ST14: variants seen among roughly 807,000 people sequenced by gnomAD.
ST14 encodes ST14 transmembrane serine protease matriptase.
In ST14, 40 loss-of-function variants were observed where a neutral mutation model predicts 96.5. The observed-to-expected ratio is 0.41, with a 90% CI of 0.32 to 0.54. The LOEUF (loss-of-function observed/expected upper bound fraction) is 0.54. ST14 is among the 20% of genes least tolerant of loss of function. The pLI is 0.17. For missense variants in ST14, 1,066 were observed against 1,188.9 expected (o/e 0.90, Z 1.52); for synonymous variants, 506 against 492.1 (o/e 1.03, Z -0.37).
chr11:130,205,855 C>A (rs551451), intron 16 of ST14, among the ~76,000 whole-genome samples: 1 of 151,848 alleles, frequency 6.6e-6, no homozygotes, highest in African/African-American at 2.4e-5. Context: ...CCTGCCACCA[C>A]GCCTGGCTAA....
Position 130,197,934 on chromosome 11 carries a change from A to G in ST14, c.1448A>G (p.Glu483Gly). The G allele has an allele frequency of 1.3e-6, 2 of 1,587,760 alleles. No individual in the cohort carries two copies. The highest frequency in any genetic ancestry group is 1.7e-6 in the Non-Finnish European group (2 of 1,169,678). ...GWADCTDHSDELNCSCDAGHQ... is the reference protein window; with the variant it reads ...GWADCTDHSDGLNCSCDAGHQ... Reference sequence around the variant, plus strand: ...GCCGACTGCACCGACCACAGCGATGAGCTCAACTGCAGTGAGTCAGGCTGG... The same window carrying G: ...GCCGACTGCACCGACCACAGCGATGGGCTCAACTGCAGTGAGTCAGGCTGG... Residue 483 changes from glutamate to glycine, a missense_variant, in exon 12 of 19, where the codon GAG (glutamate) becomes GGG (glycine). Physicochemically the swap from Glu to Gly is moderately conservative, Grantham distance 98 (BLOSUM62 -2). Transcript: ENST00000278742.
At chr11:130,194,846 G>T (rs375114407) in intron 9 of ST14, 109 bp downstream of exon 9, 2 of 879,924 alleles carry the variant, frequency 2.3e-6, no homozygotes, top group African/African-American at 2.5e-5. Flanking sequence ...GTTTGCATAT[G>T]TGTGCATGTG....
In ST14 at chr11:130,194,789, C is replaced by CGT; in HGVS notation, c.1113+61_1113+62dup. The CGT allele has an allele frequency of 2.5e-6, 4 of 1,572,374 alleles. No individual in the cohort carries two copies. In the African/African-American group the frequency reaches 4.1e-5, roughly 16 times the overall value. On this transcript the variant is annotated intron_variant, in intron 9 of 18. Coordinates refer to ENST00000278742, the MANE Select transcript of ST14 (RefSeq NM_021978.4). Reference sequence around the variant, plus strand: ...GTGTGTGTGTGAGCATGTATGTGCACGTGTGTGTGTCTCCCTGTGCAGATG... The same window carrying CGT: ...GTGTGTGTGTGAGCATGTATGTGCACGTGTGTGTGTGTCTCCCTGTGCAGATG...
chr11:130,195,558 T>C (rs1953351679), intron 9 of ST14, among the ~76,000 whole-genome samples: 1 of 151,988 alleles, frequency 6.6e-6, no homozygotes, highest in Non-Finnish European at 1.5e-5. Context: ...TTCCTTTCTT[T>C]AAAAATGCCA....
intron 6 of ST14, 113 bp downstream of exon 6, chr11:130,190,261 G>A: frequency 6.6e-7 from 1 of 1,513,274 alleles, no homozygotes; most frequent in Non-Finnish European, 9.1e-7. Flanking sequence ...AGTATATTAT[G>A]ACGATCTTTC....
intron 5 of ST14, 99 bp from the exon 6 acceptor site, chr11:130,190,005 GAGAGAAGAC>G: frequency 6.2e-7 from 1 of 1,610,634 alleles, no homozygotes; most frequent in Non-Finnish European, 8.5e-7. Flanking sequence ...CAGTGCCCCA[GAGAGAAGAC>G]TACGTGCTGG....
chr11:130,209,329 C>T lies in ST14; in HGVS notation c.2270-113C>T, dbSNP rs954830483. The T allele has an allele frequency of 3.6e-6, 5 of 1,406,544 alleles. No homozygotes were observed. In the South Asian group the frequency reaches 3.7e-5, roughly 10 times the overall value. The allele number at this position is 1,406,544 out of a possible 1,614,324, so 87.1% of individuals were successfully genotyped here. A position where few individuals can be genotyped will look rare whatever the true frequency, so the allele number is the denominator to read the frequency against. ...ACGCGGATTACCCGTTTGTCAGCCC[C>T]GGGCATCTGGGCTGTTCCAGAGTTT... On this transcript the variant is annotated intron_variant, in intron 17 of 18. Coordinates refer to ENST00000278742, the MANE Select transcript of ST14 (RefSeq NM_021978.4).
rs758204032 is a variant in ST14 at position 130,209,856 on chromosome 11, G to A, written c.*33G>A. On this transcript the variant is annotated 3_prime_UTR_variant, in exon 19 of 19. Transcript: ENST00000278742. Reference sequence around the variant, plus strand: ...GGCCACCCAAATGTGTACACCTGCGGGGCCACCCATCGTCCACCCCAGTGT... The same window carrying A: ...GGCCACCCAAATGTGTACACCTGCGAGGCCACCCATCGTCCACCCCAGTGT... The A allele has an allele frequency of 2.1e-5, 34 of 1,610,352 alleles. No homozygotes were observed. Among genetic ancestry groups the A allele is most frequent in the African/African-American group, 2.7e-5 (2 of 74,916 alleles).
At chr11:130,177,898 C>T (rs1953156120) in intron 1 of ST14, among the ~76,000 whole-genome samples, 2 of 152,258 alleles carry the variant, frequency 1.3e-5, no homozygotes, top group African/African-American at 4.8e-5. Context: ...TGCCAATTCT[C>T]ATGAGCGGTG....
At chr11:130,171,707 A>G (rs1185749416) in intron 1 of ST14, among the ~76,000 whole-genome samples, 1 of 152,208 alleles carries the variant, frequency 6.6e-6, no homozygotes, top group African/African-American at 2.4e-5. Context: ...CAAAAAGACA[A>G]TTCTCCTTAG....
chr11:130,199,192 G>T, intron 15 of ST14, 123 bp downstream of exon 15: 5 of 1,091,364 alleles, frequency 4.6e-6, no homozygotes, highest in Non-Finnish European at 5.3e-6. Flanking sequence ...TTGGGTGAGA[G>T]GGTGTGTCTC....
chr11:130,195,175 G>A lies in ST14; in HGVS notation c.1113+438G>A, dbSNP rs1953347313. 2.0e-5 allele frequency among the ~76,000 whole-genome samples: 3 copies of A among 152,108 alleles called. No individual in the cohort carries two copies. The South Asian group carries it at 6.2e-4, about 32-fold the overall frequency. On this transcript the variant is annotated intron_variant, in intron 9 of 18. Transcript: ENST00000278742. ...AGGTGGGAGGATCACTTAAACCCAG[G>A]AGTTTAAGGCTACAGTAAACTATGA... is the stretch of plus-strand genomic sequence containing the variant.
chr11:130,161,874 G>A (rs1311927503), intron 1 of ST14, among the ~76,000 whole-genome samples: 1 of 152,210 alleles, frequency 6.6e-6, no homozygotes, highest in East Asian at 1.9e-4. Context: ...TCTTGAGAGC[G>A]AAACTAAGAG....
chr11:130,169,092 G>GTTTTTTTTT (rs59747710), intron 1 of ST14, among the ~76,000 whole-genome samples: 1 of 112,322 alleles, frequency 8.9e-6, no homozygotes, highest in African/African-American at 4.2e-5. Context: ...AATATAATGG[G>GTTTTTTTTT]TTTTTTTTTT....
At position 130,201,141 on chromosome 11, in the gene ST14, G is replaced by C. The variant is rs188589207; in HGVS notation, c.1994+1004G>C. ...TGGCCTCAGACACACAGACAGATGA[G>C]AGGCCTGGAAGGGTCACATGGGCAT... is the stretch of plus-strand genomic sequence containing the variant. On this transcript the variant is annotated intron_variant, in intron 16 of 18. Transcript: ENST00000278742. Among the ~76,000 whole-genome samples the C allele has an allele frequency of 7.2e-4, 110 of 152,366 alleles. 1 individual carries two copies. Among genetic ancestry groups the C allele is most frequent in the African/African-American group, 2.6e-3 (107 of 41,598 alleles).
chr11:130,194,798 G>T (rs1474621953), intron 9 of ST14, 61 bp downstream of exon 9: 32 of 1,554,616 alleles, frequency 2.1e-5, no homozygotes, highest in Non-Finnish European at 2.6e-5. Flanking sequence ...ACGTGTGTGT[G>T]TCTCCCTGTG....
At chr11:130,164,252 G>A (rs577184752) in intron 1 of ST14, among the ~76,000 whole-genome samples, 12 of 152,274 alleles carry the variant, frequency 7.9e-5, no homozygotes, top group African/African-American at 1.7e-4. Flanking sequence ...ACTAATAATC[G>A]TTAGCATTTA....
intron 15 of ST14, among the ~76,000 whole-genome samples, chr11:130,199,385 G>A (rs1215005010): frequency 6.6e-6 from 1 of 152,196 alleles, no homozygotes; most frequent in Non-Finnish European, 1.5e-5. Flanking sequence ...GCCTGGAGAA[G>A]AGCGGCCCAG....
chr11:130,194,485 C>T (rs917208602), intron 8 of ST14, among the ~76,000 whole-genome samples, 155 bp from the exon 9 acceptor site: 1 of 149,618 alleles, frequency 6.7e-6, no homozygotes, highest in African/African-American at 2.4e-5. Context: ...CCTGAAGCTT[C>T]GGCACCCGGC....
Sources: allele counts gnomAD v4.1 joint callset (sites outside exome capture counted in the v4.1 genomes callset), GRCh38; gene constraint gnomAD v4.1.1; transcripts MANE v1.5; gene names NCBI Gene and HGNC (gene_info 2026-07-23, HGNC 2026-07-21).